Variants in SRRD observed in about 807,000 individuals in gnomAD.
SRRD encodes the protein SRR1-like protein.
A neutral mutation model predicts 30.7 loss-of-function variants in SRRD; 28 were observed. The observed-to-expected ratio is 0.91, with a 90% CI of 0.68 to 1.25. The LOEUF (loss-of-function observed/expected upper bound fraction) is 1.25. Ranked by LOEUF, SRRD falls within the 50% of genes most tolerant of loss-of-function variation. The pLI is 0.00. For synonymous variants in SRRD, 161 were observed against 159.6 expected, an observed-to-expected ratio of 1.01 and a Z score of -0.07; for missense variants, 415 against 417.3, an observed-to-expected ratio of 0.99 and a Z score of 0.05.
At position 26,493,569 on chromosome 22, in the gene SRRD, G is replaced by C. The variant is rs35881287; in HGVS notation, c.*1897G>C. On this transcript the variant is annotated 3_prime_UTR_variant, in exon 7 of 7. Transcript: ENST00000215917. Reference sequence around the variant, plus strand: ...TATACTCTCACTTACTTATGATCTAGGCAGAATGACTTACCTAGAACTTGG... The same window carrying C: ...TATACTCTCACTTACTTATGATCTACGCAGAATGACTTACCTAGAACTTGG... 2,225 of 154,114 alleles carry C rather than the reference G, an allele frequency of 0.014. 28 individuals are homozygous for C. The highest frequency in any genetic ancestry group is 0.02 in the Non-Finnish European group (1,415 of 69,336). The allele number at this position is 154,114 out of a possible 1,614,324, so 9.5% of individuals were successfully genotyped here. A position where few individuals can be genotyped will look rare whatever the true frequency, so the allele number is the denominator to read the frequency against.
chr22:26,493,694 G>T lies in SRRD; in HGVS notation c.*2022G>T. ...AAGCATGAACTCACTCTCCCTTTTA[G>T]CCTATAAAGTAGATCTTACTGTTTA... On this transcript the variant is annotated 3_prime_UTR_variant, in exon 7 of 7. Coordinates refer to ENST00000215917, the MANE Select transcript of SRRD (RefSeq NM_001013694.3). 1 of 175,122 alleles carries T rather than the reference G, an allele frequency of 5.7e-6. No homozygotes were observed. Among genetic ancestry groups the T allele is most frequent in the Non-Finnish European group, 1.2e-5 (1 of 81,208 alleles). 10.8% of individuals were successfully genotyped at this position (175,122 alleles called of 1,614,324 possible).
In SRRD at chr22:26,484,200, A is replaced by AGTT. The variant is rs902570419; in HGVS notation, c.209+102_209+103insTTG. 26 of 1,234,154 alleles carry AGTT rather than the reference A, an allele frequency of 2.1e-5. No individual in the cohort carries two copies. In the Admixed American group the frequency reaches 5.0e-4, roughly 24 times the overall value. The allele number at this position is 1,234,154 out of a possible 1,614,324, so 76.5% of individuals were successfully genotyped here. A position where few individuals can be genotyped will look rare whatever the true frequency, so the allele number is the denominator to read the frequency against. ...GTGGAGATATAATGCACACCCTTTA[A>AGTT]GGAGTTATTGTGAAGAGTTAACGTA... On this transcript the variant is annotated intron_variant, in intron 1 of 6. Coordinates refer to ENST00000215917, the MANE Select transcript of SRRD (RefSeq NM_001013694.3).
chr22:26,487,949 T>G, intron 2 of SRRD, 80 bp from the exon 3 acceptor site: 1 of 1,480,734 alleles, frequency 6.8e-7, no homozygotes, highest in Non-Finnish European at 9.1e-7. Flanking sequence ...TCCCCAAATA[T>G]GTGAACTTCT....
At position 26,488,045 on chromosome 22, in the gene SRRD, T is replaced by G; in HGVS notation, c.267T>G (p.Cys89Trp). The change falls in exon 3 of 7, where the codon TGT becomes TGG. Residue 89 changes from cysteine to tryptophan, a missense_variant. Cys to Trp is a radical substitution (Grantham distance 215). Coordinates refer to ENST00000215917, the MANE Select transcript of SRRD (RefSeq NM_001013694.3). ...CTCTTTCAGAAACCATCAATAGATGTCTCACAAAACATCTGGAACAACTGA... is the reference window on the plus strand; with the variant it reads ...CTCTTTCAGAAACCATCAATAGATGGCTCACAAAACATCTGGAACAACTGA... ...WSSALETINR[C>W]LTKHLEQLKA... 6.2e-7 allele frequency: 1 copy of G among 1,611,652 alleles called. No homozygotes were observed. The highest frequency in any genetic ancestry group is 2.2e-5 in the East Asian group (1 of 44,832).
At chr22:26,486,914 CTTTTTTTTTTTT>C (rs57889671) in intron 2 of SRRD, among the ~76,000 whole-genome samples, 1 of 128,880 alleles carries the variant, frequency 7.8e-6, no homozygotes, top group Non-Finnish European at 1.7e-5. Flanking sequence ...GTCTTTGCTG[CTTTTTTTTTTTT>C]TTTTTTTTCT....
At chr22:26,491,178 T>C in intron 6 of SRRD, 108 bp downstream of exon 6, 3 of 1,145,482 alleles carry the variant, frequency 2.6e-6, no homozygotes, top group Non-Finnish European at 2.6e-6. Context: ...GTGGCGCTAG[T>C]GTACTGTCAG....
intron 2 of SRRD, 88 bp downstream of exon 2, chr22:26,486,151 A>G: frequency 6.4e-7 from 1 of 1,557,604 alleles, no homozygotes; most frequent in Non-Finnish European, 8.8e-7. Context: ...ACAGAGGGAT[A>G]ACTTGCTGGG....
chr22:26,491,807 C>A lies in SRRD; in HGVS notation c.*135C>A, dbSNP rs564026303. ...CAACTTGGCTGTCCTGTTTTGAGGA[C>A]GATACCCCACATGAGGACTTGGTAT... On this transcript the variant is annotated 3_prime_UTR_variant, in exon 7 of 7. Transcript: ENST00000215917. 4.2e-6 allele frequency: 4 copies of A among 948,638 alleles called. No homozygotes were observed. The African/African-American group carries it at 5.0e-5, about 12-fold the overall frequency. 58.8% of individuals were successfully genotyped at this position (948,638 alleles called of 1,614,324 possible).
At position 26,491,948 on chromosome 22, in the gene SRRD, A is replaced by G. The variant is rs1029925692; in HGVS notation, c.*276A>G. ...ACCCTTTTGAAGGTGATCTAAAAAT[A>G]CTGTTTATTTACAGTACATCCCTCT... On this transcript the variant is annotated 3_prime_UTR_variant, in exon 7 of 7. Coordinates refer to ENST00000215917, the MANE Select transcript of SRRD (RefSeq NM_001013694.3). The G allele has an allele frequency of 3.0e-5, 43 of 1,434,118 alleles. No homozygotes were observed. Among genetic ancestry groups the G allele is most frequent in the Non-Finnish European group, 4.0e-5 (42 of 1,054,986 alleles). 88.8% of individuals were successfully genotyped at this position (1,434,118 alleles called of 1,614,324 possible). A position where few individuals can be genotyped will look rare whatever the true frequency, so the allele number is the denominator to read the frequency against.
rs906148876 is a variant in SRRD at position 26,486,171 on chromosome 22, C to T, written c.250+108C>T. The stretch of plus-strand genomic sequence containing the variant: ...GGGATAACTTGCTGGGTTCTAACGC[C>T]GCCCGCCCCTTACAGCTGTATGTCT... On this transcript the variant is annotated intron_variant, in intron 2 of 6. Coordinates refer to ENST00000215917, the MANE Select transcript of SRRD (RefSeq NM_001013694.3). 97 of 1,299,826 alleles carry T rather than the reference C, an allele frequency of 7.5e-5. No individual in the cohort carries two copies. In the Admixed American group the frequency reaches 1.3e-3, roughly 18 times the overall value. The allele number at this position is 1,299,826 out of a possible 1,614,324, so 80.5% of individuals were successfully genotyped here. A position where few individuals can be genotyped will look rare whatever the true frequency, so the allele number is the denominator to read the frequency against.
In SRRD at chr22:26,484,016, G is replaced by T. The variant is rs1475890874; in HGVS notation, c.126G>T (p.Arg42=). The stretch of plus-strand genomic sequence containing the variant: ...CCCGGGGGAGAGAGGCGGCGCCCCG[G>T]GGGAGAGAGGCGGCGCCCCGGGGCC... ...AAPRGREAAP[R]GREAAPRGPE... The change falls in exon 1 of 7, where the codon CGG becomes CGT. Residue 42 remains arginine (R), a synonymous_variant. Transcript: ENST00000215917. The T allele has an allele frequency of 7.1e-7, 1 of 1,414,768 alleles. No individual in the cohort carries two copies. 87.6% of individuals were successfully genotyped at this position (1,414,768 alleles called of 1,614,324 possible).
Position 26,483,959 on chromosome 22 carries a change from G to A in SRRD, c.69G>A (p.Ala23=). The change falls in exon 1 of 7, where the codon GCG becomes GCA. Residue 23 remains alanine, a synonymous_variant. Coordinates refer to ENST00000215917, the MANE Select transcript of SRRD (RefSeq NM_001013694.3). ...QAAAPRKRRS[A]ARRPRRREAA... is the part of the protein sequence containing the mutation. ...CGGCTCCGCGGAAGAGGCGCTCCGC[G>A]GCTCGACGGCCGCGGCGGAGGGAGG... 4 of 1,366,794 alleles carry A rather than the reference G, an allele frequency of 2.9e-6. No individual in the cohort carries two copies. Among genetic ancestry groups the A allele is most frequent in the African/African-American group, 1.5e-5 (1 of 64,814 alleles). The allele number at this position is 1,366,794 out of a possible 1,614,324, so 84.7% of individuals were successfully genotyped here. A position where few individuals can be genotyped will look rare whatever the true frequency, so the allele number is the denominator to read the frequency against.
chr22:26,490,811 G>A (rs766105851), intron 5 of SRRD: 27 of 510,568 alleles, frequency 5.3e-5, no homozygotes, highest in Non-Finnish European at 8.0e-5. Context: ...TGATCCGCCC[G>A]CCTCAGTCTC....
chr22:26,489,913 C>A, intron 4 of SRRD, 131 bp from the exon 5 acceptor site: 1 of 952,682 alleles, frequency 1.0e-6, no homozygotes, highest in Non-Finnish European at 1.6e-6. Flanking sequence ...TGTAACTGTT[C>A]CACAAAATGA....
chr22:26,489,285 A>AGTCCCTGTGTTCAGGGAGCCC (rs1227514376), intron 4 of SRRD, among the ~76,000 whole-genome samples: 1 of 152,274 alleles, frequency 6.6e-6, no homozygotes, highest in Non-Finnish European at 1.5e-5. Flanking sequence ...AATGGGAGCC[A>AGTCCCTGTGTTCAGGGAGCCC]GTCCCTGTGT....
At position 26,491,661 on chromosome 22, in the gene SRRD, G is replaced by A; in HGVS notation, c.1009G>A (p.Ala337Thr). Residue 337 changes from alanine to threonine, a missense_variant, in exon 7 of 7, where the codon GCT (alanine) becomes ACT (threonine). Physicochemically the swap from Ala to Thr is moderately conservative, Grantham distance 58. Transcript: ENST00000215917. ...CAGGAACAAGAGAGAAGATCCTTCT[G>A]CTACTGACTGAACTCGTTGTGAGGT... ...IIRNKREDPS[A>T]TD 6.2e-7 allele frequency: 1 copy of A among 1,610,348 alleles called. No homozygotes were observed. Among genetic ancestry groups the A allele is most frequent in the Non-Finnish European group, 8.5e-7 (1 of 1,179,998 alleles).
At position 26,491,693 on chromosome 22, in the gene SRRD, T is replaced by C; in HGVS notation, c.*21T>C. On this transcript the variant is annotated 3_prime_UTR_variant, in exon 7 of 7. Coordinates refer to ENST00000215917, the MANE Select transcript of SRRD (RefSeq NM_001013694.3). ...ACTGAACTCGTTGTGAGGTACTCAG[T>C]GTTGGCTGAGGTAGAAGCTGCCACC... 3.1e-6 allele frequency: 5 copies of C among 1,600,026 alleles called. No homozygotes were observed. Among genetic ancestry groups the C allele is most frequent in the Non-Finnish European group, 4.3e-6 (5 of 1,175,648 alleles).
rs142819324 is a variant in SRRD, at chr22:26,490,500, C to G, written c.764+302C>G. Among the ~76,000 whole-genome samples the G allele has an allele frequency of 3.5e-3, 512 of 147,704 alleles. 7 individuals are homozygous for G. Among genetic ancestry groups the G allele is most frequent in the African/African-American group, 0.012 (467 of 40,056 alleles). On this transcript the variant is annotated intron_variant, in intron 5 of 6. Transcript: ENST00000215917. The stretch of plus-strand genomic sequence containing the variant: ...CCACGTCCTCATTCTGTTTCACGTG[C>G]TTAGGAGTCTGCTCAGTCATTTCTC...
Position 26,483,940 on chromosome 22 carries a change from C to G in SRRD, c.50C>G (p.Pro17Arg). ...AALESWQAAAPRKRRSAARRP... is the reference protein window; with the variant it reads ...AALESWQAAARRKRRSAARRP... ...CTGGAATCCTGGCAGGCGGCGGCTC[C>G]GCGGAAGAGGCGCTCCGCGGCTCGA... Residue 17 changes from proline to arginine, a missense_variant, in exon 1 of 7, where the codon CCG (proline) becomes CGG (arginine). By Grantham distance (103) the Pro-to-Arg change is moderately radical. Coordinates refer to ENST00000215917, the MANE Select transcript of SRRD (RefSeq NM_001013694.3). The G allele has an allele frequency of 7.4e-7, 1 of 1,354,180 alleles. No individual in the cohort carries two copies. Among genetic ancestry groups the G allele is most frequent in the Non-Finnish European group, 9.4e-7 (1 of 1,064,268 alleles). 83.9% of individuals were successfully genotyped at this position (1,354,180 alleles called of 1,614,324 possible). A position where few individuals can be genotyped will look rare whatever the true frequency, so the allele number is the denominator to read the frequency against.
Sources: allele counts gnomAD v4.1 joint callset (sites outside exome capture counted in the v4.1 genomes callset), GRCh38; gene constraint gnomAD v4.1.1; transcripts MANE v1.5; gene names NCBI Gene and HGNC (gene_info 2026-07-23, HGNC 2026-07-21).